PLPPR3: variants seen among roughly 807,000 people sequenced by gnomAD.
PLPPR3 encodes phospholipid phosphatase-related protein type 3.
A neutral mutation model predicts 27.3 loss-of-function variants in PLPPR3; 14 were observed. That is an observed-to-expected ratio of 0.51 (90% CI 0.34 to 0.80). The LOEUF (loss-of-function observed/expected upper bound fraction) is 0.80, where lower values mean the gene tolerates loss of function less well. Ranked by LOEUF, PLPPR3 falls within the 30% of genes least tolerant of loss-of-function variation. The pLI is 0.01. For missense variants in PLPPR3, 1,287 were observed against 1,056.9 expected, an observed-to-expected ratio of 1.22 and a Z score of -3.02; for synonymous variants, 671 against 508.0, an observed-to-expected ratio of 1.32 and a Z score of -4.32.
chr19:816,361 T>C (rs1302401595), intron 2 of PLPPR3, among the ~76,000 whole-genome samples: 16 of 45,770 alleles, frequency 3.5e-4, no homozygotes, highest in African/African-American at 9.8e-4. Context: ...GTCCATTCAT[T>C]ACCCAGCCAT....
upstream of PLPPR3, among the ~76,000 whole-genome samples, chr19:823,236 G>A (rs985511220): frequency 1.3e-5 from 2 of 151,972 alleles, no homozygotes; most frequent in Non-Finnish European, 2.9e-5. Flanking sequence ...GAGGCCAGGA[G>A]TTCCAGACCA....
chr19:822,152 GGGGGTCTCA>G (rs1201748102), upstream of PLPPR3, among the ~76,000 whole-genome samples: 3 of 151,734 alleles, frequency 2.0e-5, no homozygotes, highest in Non-Finnish European at 4.4e-5. Context: ...CGGGGGTCTC[GGGGGTCTCA>G]GGTCTGCGCG....
At chr19:816,320 TCCATCCATCCACCCAC>T (rs2035052891) in intron 2 of PLPPR3, among the ~76,000 whole-genome samples, 1 of 124,078 alleles carries the variant, frequency 8.1e-6, no homozygotes, top group African/African-American at 3.3e-5. Context: ...CACCCAACTG[TCCATCCATCCACCCAC>T]CCACCCATCC....
upstream of PLPPR3, among the ~76,000 whole-genome samples, chr19:823,446 A>AAAAAAAAC (rs2035177343): frequency 2.4e-5 from 2 of 84,268 alleles, no homozygotes; most frequent in Non-Finnish European, 2.2e-5. Context: ...TATCTCAAAA[A>AAAAAAAAC]AAAAAAAAAA....
Position 813,850 on chromosome 19 carries a change from G to A in PLPPR3, c.877C>T (p.Pro293Ser). ...GNFQAPPAEKPAAPAPAKDAL... is the reference protein window; with the variant it reads ...GNFQAPPAEKSAAPAPAKDAL... Reference sequence around the variant, plus strand: ...TCCTTGGCGGGGGCCGGGGCCGCGGGCTTCTCTGCAGGTGGGGCCTGGAAG... The same window carrying A: ...TCCTTGGCGGGGGCCGGGGCCGCGGACTTCTCTGCAGGTGGGGCCTGGAAG... The change falls in exon 8 of 8, where the codon CCC becomes TCC. Residue 293 changes from proline (P) to serine (S), a missense_variant. Physicochemically the swap from Pro to Ser is moderately conservative, Grantham distance 74 (BLOSUM62 -1). Coordinates refer to ENST00000520876, the MANE Select transcript of PLPPR3 (RefSeq NM_001270366.2). The surrounding 1 kb of genome is among the most constrained non-coding windows in gnomAD (Gnocchi z 4.1). 1.4e-6 allele frequency: 2 copies of A among 1,465,420 alleles called. No homozygotes were observed. Among genetic ancestry groups the A allele is most frequent in the East Asian group, 5.1e-5 (2 of 38,894 alleles). 90.8% of individuals were successfully genotyped at this position (1,465,420 alleles called of 1,614,324 possible).
intron 2 of PLPPR3, 67 bp from the exon 3 acceptor site, chr19:815,918 T>A (rs1381602789): frequency 3.3e-6 from 5 of 1,517,782 alleles, no homozygotes; most frequent in Non-Finnish European, 1.8e-6. Context: ...CAGCCCTCCA[T>A]GAATTCAGGG....
Position 815,292 on chromosome 19 carries a change from C to T in PLPPR3, c.297G>A (p.Gln99=), listed in dbSNP as rs957572789. Residue 99 remains glutamine (Q), a synonymous_variant, in exon 4 of 8, where the codon CAG becomes CAA. Transcript: ENST00000520876. ...MVAEGMLYCL[Q]SRLWGRAGGP... The stretch of plus-strand genomic sequence containing the variant: ...CCCCGGCACGGCCCCACAGCCGGGA[C>T]TGCAGACAGTACAACATGCCCTCGG... 5.2e-6 allele frequency: 8 copies of T among 1,551,044 alleles called. No individual in the cohort carries two copies. Among genetic ancestry groups the T allele is most frequent in the Non-Finnish European group, 7.0e-6 (8 of 1,149,212 alleles).
chr19:817,330 G>A (rs1210472296), intron 2 of PLPPR3, among the ~76,000 whole-genome samples: 1 of 152,030 alleles, frequency 6.6e-6, no homozygotes, highest in Admixed American at 6.6e-5. Context: ...CTGGAGTGCA[G>A]TGGTGCAATC....
upstream of PLPPR3, among the ~76,000 whole-genome samples, chr19:822,990 A>G (rs1218941405): frequency 6.6e-6 from 1 of 151,828 alleles, no homozygotes; most frequent in Non-Finnish European, 1.5e-5. Context: ...GTGGTGGCTC[A>G]TGCCTGTAAT....
intron 6 of PLPPR3, 37 bp from the exon 7 acceptor site, chr19:814,644 A>C: frequency 6.2e-7 from 1 of 1,610,106 alleles, no homozygotes; most frequent in Non-Finnish European, 8.5e-7. Context: ...AGGGCTCCCC[A>C]CGGGTCAGCA....
At chr19:815,113 G>A (rs778480592) in intron 4 of PLPPR3, 32 bp from the exon 5 acceptor site, 49 of 1,600,662 alleles carry the variant, frequency 3.1e-5, no homozygotes, top group Non-Finnish European at 4.0e-5. Context: ...CAGGCGGGGA[G>A]CTGGGGACCC....
At chr19:818,700 A>T (rs1229825094) in intron 2 of PLPPR3, among the ~76,000 whole-genome samples, 1 of 151,286 alleles carries the variant, frequency 6.6e-6, no homozygotes, top group Non-Finnish European at 1.5e-5. Flanking sequence ...CGCCCGGCTA[A>T]TTTTTTGTAT....
Position 813,398 on chromosome 19 carries a change from C to T in PLPPR3, c.1329G>A (p.Glu443=), listed in dbSNP as rs971298108. Residue 443 remains glutamate (E), a synonymous_variant, in exon 8 of 8, where the codon GAG becomes GAA. Transcript: ENST00000520876. This position sits in a 1 kb window ranked among gnomAD's most constrained non-coding sequence, Gnocchi z 4.1. The stretch of plus-strand genomic sequence containing the variant: ...CTTCCTCTTCGTCCTCCTCCTCTTC[C>T]TCCTCCTCCGCCATGGGTTCGGCGG... ...RAPAEPMAEE[E]EEEEDEEEEE... 1.5e-5 allele frequency: 23 copies of T among 1,501,746 alleles called. No individual in the cohort carries two copies. Among genetic ancestry groups the T allele is most frequent in the Non-Finnish European group, 1.9e-5 (22 of 1,133,378 alleles). 93.0% of individuals were successfully genotyped at this position (1,501,746 alleles called of 1,614,324 possible).
At chr19:815,357 C>T (rs773865224) in intron 3 of PLPPR3, 30 bp from the exon 4 acceptor site, 7 of 1,516,140 alleles carry the variant, frequency 4.6e-6, no homozygotes, top group East Asian at 4.9e-5. Flanking sequence ...GCTCAGGCCT[C>T]GGTGCCCACA....
chr19:813,758 G>A lies in PLPPR3; in HGVS notation c.969C>T (p.Thr323=). The change falls in exon 8 of 8, where the codon ACC becomes ACT. Residue 323 remains threonine (T), a synonymous_variant. Coordinates refer to ENST00000520876, the MANE Select transcript of PLPPR3 (RefSeq NM_001270366.2). This position sits in a 1 kb window ranked among gnomAD's most constrained non-coding sequence, Gnocchi z 4.1. ...SVYQQNKSVS[T]DELGPPGRLE... is the part of the protein sequence containing the mutation. ...GCCGCCCTGGGGGCCCCAGCTCGTC[G>A]GTGCTCACCGACTTATTCTGCTGAT... The A allele has an allele frequency of 1.3e-6, 2 of 1,527,052 alleles. No individual in the cohort carries two copies. The highest frequency in any genetic ancestry group is 1.7e-6 in the Non-Finnish European group (2 of 1,142,856). The allele number at this position is 1,527,052 out of a possible 1,614,324, so 94.6% of individuals were successfully genotyped here.
chr19:813,413 G>T lies in PLPPR3; in HGVS notation c.1314C>A (p.Pro438=), dbSNP rs1486355015. Residue 438 remains proline, a synonymous_variant, in exon 8 of 8, where the codon CCC becomes CCA. Coordinates refer to ENST00000520876, the MANE Select transcript of PLPPR3 (RefSeq NM_001270366.2). This position sits in a 1 kb window ranked among gnomAD's most constrained non-coding sequence, Gnocchi z 4.1. The stretch of plus-strand genomic sequence containing the variant: ...CCTCCTCTTCCTCCTCCTCCGCCAT[G>T]GGTTCGGCGGGCGCGCGCAGGTGCC... ...SPGHLRAPAE[P]MAEEEEEEED... 8.0e-6 allele frequency: 12 copies of T among 1,497,098 alleles called. No individual in the cohort carries two copies. The highest frequency in any genetic ancestry group is 1.1e-5 in the Non-Finnish European group (12 of 1,130,924). The allele number at this position is 1,497,098 out of a possible 1,614,324, so 92.7% of individuals were successfully genotyped here.
intron 3 of PLPPR3, 112 bp downstream of exon 3, chr19:815,554 C>T (rs991572689): frequency 9.7e-6 from 12 of 1,236,440 alleles, no homozygotes; most frequent in African/African-American, 8.9e-5. Flanking sequence ...GCACAGGCCC[C>T]GGTGTGGATG....
rs774892631 is a variant in PLPPR3 at position 813,522 on chromosome 19, G to A, written c.1205C>T (p.Ser402Leu). The A allele has an allele frequency of 2.6e-6, 4 of 1,559,904 alleles. No individual in the cohort carries two copies. The highest frequency in any genetic ancestry group is 2.4e-5 in the East Asian group (1 of 41,784). ...CTCGCTGATGAGCTGCTTGGAGCGC[G>A]AGGCGTCCAGCGGCACGTGGATGGT... ...HMTIHVPLDA[S>L]RSKQLISEWK... Residue 402 changes from serine to leucine, a missense_variant, in exon 8 of 8, where the codon TCG becomes TTG. Coordinates refer to ENST00000520876, the MANE Select transcript of PLPPR3 (RefSeq NM_001270366.2). The surrounding 1 kb of genome is among the most constrained non-coding windows in gnomAD (Gnocchi z 4.1).
In PLPPR3 at chr19:812,616, G is replaced by T. The variant is rs1212207252; in HGVS notation, c.2111C>A (p.Ala704Asp). 9.0e-7 allele frequency: 1 copy of T among 1,115,264 alleles called. No homozygotes were observed. Among genetic ancestry groups the T allele is most frequent in the Middle Eastern group, 4.1e-4 (1 of 2,412 alleles). 69.1% of individuals were successfully genotyped at this position (1,115,264 alleles called of 1,614,324 possible). ...GLAEREAEAEAEGYFRKMQAR... is the reference protein window; with the variant it reads ...GLAEREAEAEDEGYFRKMQAR... Reference sequence around the variant, plus strand: ...CTGCATCTTGCGGAAGTAGCCCTCGGCCTCCGCCTCCGCCTCGCGCTCCGC... The same window carrying T: ...CTGCATCTTGCGGAAGTAGCCCTCGTCCTCCGCCTCCGCCTCGCGCTCCGC... Residue 704 changes from alanine (A) to aspartate (D), a missense_variant, in exon 8 of 8, where the codon GCC becomes GAC. Physicochemically the swap from Ala to Asp is moderately radical, Grantham distance 126 (BLOSUM62 -2). Coordinates refer to ENST00000520876, the MANE Select transcript of PLPPR3 (RefSeq NM_001270366.2).
Sources: gnomAD v4.1 joint callset for allele counts (sites outside exome capture counted in the v4.1 genomes callset) on GRCh38, gnomAD v4.1.1 for gene constraint, Gnocchi (gnomAD v3.1) non-coding constraint, MANE v1.5 for transcripts, NCBI Gene and HGNC (gene_info 2026-07-23, HGNC 2026-07-21) for gene names.